SEC11A: variants seen among roughly 807,000 people sequenced by gnomAD.
SEC11A encodes SEC11 homolog A, signal peptidase complex subunit, also known as signal peptidase complex catalytic subunit SEC11A.
Under a neutral mutation model 25.6 loss-of-function variants are expected in SEC11A, and 14 were observed. The observed-to-expected ratio is 0.55, with a 90% CI of 0.36 to 0.85. The LOEUF (loss-of-function observed/expected upper bound fraction) is 0.85. Among genes scored for constraint, SEC11A ranks in the 40% least tolerant of loss-of-function variants. The pLI, the probability that SEC11A is intolerant of heterozygous loss-of-function variation, is 0.01. For synonymous variants in SEC11A, 83 were observed against 76.4 expected (o/e 1.09, Z -0.45); for missense variants, 153 against 222.9 (o/e 0.69, Z 2.00).
In SEC11A at chr15:84,699,316, C is replaced by CAA. The variant is rs35351608; in HGVS notation, c.52-7674_52-7673dup. Reference sequence around the variant, plus strand: ...GGCAACAGAGCAAGACTCTTGTCTCCAAAAAAAAAAAAAAAAAAACCAGGA... The same window carrying CAA: ...GGCAACAGAGCAAGACTCTTGTCTCCAAAAAAAAAAAAAAAAAAAAACCAGGA... On this transcript the variant is annotated intron_variant, in intron 1 of 5. Transcript: ENST00000268220. 5.5e-4 allele frequency among the ~76,000 whole-genome samples: 49 copies of CAA among 89,028 alleles called. 1 individual carries two copies. The highest frequency in any genetic ancestry group is 5.4e-3 in the Middle Eastern group (1 of 184). 58.4% of individuals were successfully genotyped at this position (89,028 alleles called of 152,430 possible).
intron 5 of SEC11A, 95 bp downstream of exon 5, chr15:84,670,630 T>C (rs1439373674): frequency 1.6e-6 from 1 of 620,028 alleles, no homozygotes; most frequent in Admixed American, 3.4e-5. Context: ...TCCACTCACC[T>C]CGGCCTCCCA....
rs774165237 is a variant in SEC11A at position 84,716,085 on chromosome 15, G to C, written c.-10C>G. 5 of 1,613,324 alleles carry C rather than the reference G, an allele frequency of 3.1e-6. No homozygotes were observed. Among genetic ancestry groups the C allele is most frequent in the Non-Finnish European group, 3.4e-6 (4 of 1,179,554 alleles). ...AGTCTAGAGACAGCATGGCGGGGAC[G>C]GCGAGCAGGACACCGGCAGGGGAAA... On this transcript the variant is annotated 5_prime_UTR_variant, in exon 1 of 6. Coordinates refer to ENST00000268220, the MANE Select transcript of SEC11A (RefSeq NM_014300.4).
At chr15:84,683,384 AAAACAAACAAACAAAC>A (rs57035460) in intron 3 of SEC11A, among the ~76,000 whole-genome samples, 21 of 150,776 alleles carry the variant, frequency 1.4e-4, no homozygotes, top group Admixed American at 7.3e-4. Context: ...ATTTGCTGGC[AAAACAAACAAACAAAC>A]AAACAAACAA....
At chr15:84,679,808 T>C in intron 4 of SEC11A, 1 of 637,244 alleles carries the variant, frequency 1.6e-6, no homozygotes, top group Non-Finnish European at 2.6e-6. Context: ...GTGGTAATAC[T>C]TGTAAAGCAC....
intron 4 of SEC11A, among the ~76,000 whole-genome samples, chr15:84,675,756 A>G (rs1272767991): frequency 1.3e-5 from 2 of 152,118 alleles, no homozygotes; most frequent in Non-Finnish European, 2.9e-5. Flanking sequence ...GAATTTTTCA[A>G]CTTCCTGAGT....
chr15:84,698,628 C>A (rs1897833979), intron 1 of SEC11A, among the ~76,000 whole-genome samples: 2 of 152,138 alleles, frequency 1.3e-5, no homozygotes, highest in Admixed American at 1.3e-4. Context: ...AATAAGCATA[C>A]CATCATTAAA....
chr15:84,694,432 C>A (rs1043658476), intron 1 of SEC11A, among the ~76,000 whole-genome samples: 2 of 151,854 alleles, frequency 1.3e-5, no homozygotes, highest in Non-Finnish European at 2.9e-5. Flanking sequence ...TTATTTATTT[C>A]ATTTTGATCA....
At chr15:84,691,352 G>T (rs1437547784) in intron 2 of SEC11A, among the ~76,000 whole-genome samples, 183 bp downstream of exon 2, 1 of 152,118 alleles carries the variant, frequency 6.6e-6, no homozygotes, top group African/African-American at 2.4e-5. Flanking sequence ...GGGATTACAG[G>T]CATAAGCCAC....
chr15:84,714,018 CTTT>C (rs34873142), intron 1 of SEC11A, among the ~76,000 whole-genome samples: 24 of 100,432 alleles, frequency 2.4e-4, no homozygotes, highest in Non-Finnish European at 3.5e-4. Flanking sequence ...CATATACCTT[CTTT>C]TTTTTTTTTT....
At chr15:84,671,050 T>C (rs1346904472) in intron 4 of SEC11A, 18 of 274,082 alleles carry the variant, frequency 6.6e-5, no homozygotes, top group Non-Finnish European at 1.0e-4. Context: ...GCCAAGGTCT[T>C]AGATCTCCAG....
intron 2 of SEC11A, among the ~76,000 whole-genome samples, chr15:84,690,777 T>G (rs936126370): frequency 6.6e-6 from 1 of 152,150 alleles, no homozygotes; most frequent in East Asian, 1.9e-4. Flanking sequence ...AGCAGGAAAC[T>G]TGGAAATAAT....
intron 1 of SEC11A, among the ~76,000 whole-genome samples, chr15:84,704,826 G>C (rs1407708235): frequency 6.6e-6 from 1 of 152,110 alleles, no homozygotes; most frequent in East Asian, 1.9e-4. Context: ...CTTGGGAGGG[G>C]TTTGGGGTAA....
At chr15:84,713,828 G>C (rs1044762951) in intron 1 of SEC11A, among the ~76,000 whole-genome samples, 1 of 152,134 alleles carries the variant, frequency 6.6e-6, no homozygotes, top group African/African-American at 2.4e-5. Flanking sequence ...CCAGGTTAAA[G>C]ATGAAGCTAT....
At position 84,702,592 on chromosome 15, in the gene SEC11A, CA is replaced by C. The variant is rs554184600; in HGVS notation, c.52-10949del. Reference sequence around the variant, plus strand: ...CAGCTGAGATTATAGACACAAGCAACAGTGCCCAGTTTATAAATATATTTAT... The same window carrying C: ...CAGCTGAGATTATAGACACAAGCAACGTGCCCAGTTTATAAATATATTTAT... On this transcript the variant is annotated intron_variant, in intron 1 of 5. Coordinates refer to ENST00000268220, the MANE Select transcript of SEC11A (RefSeq NM_014300.4). Among the ~76,000 whole-genome samples the C allele has an allele frequency of 4.0e-3, 602 of 152,192 alleles. 2 individuals carry two copies. Among genetic ancestry groups the C allele is most frequent in the African/African-American group, 0.014 (572 of 41,506 alleles).
chr15:84,694,741 T>G (rs577730884), intron 1 of SEC11A, among the ~76,000 whole-genome samples: 1 of 151,862 alleles, frequency 6.6e-6, no homozygotes, highest in Admixed American at 6.6e-5. Context: ...GGTGGGAGGA[T>G]CACTTGAGCC....
chr15:84,680,579 C>T, intron 4 of SEC11A, 134 bp downstream of exon 4: 1 of 927,434 alleles, frequency 1.1e-6, no homozygotes. Context: ...GCAAAATTTT[C>T]AAAGGACACA....
At position 84,713,071 on chromosome 15, in the gene SEC11A, G is replaced by A. The variant is rs190528951; in HGVS notation, c.51+2954C>T. On this transcript the variant is annotated intron_variant, in intron 1 of 5. Transcript: ENST00000268220. The stretch of plus-strand genomic sequence containing the variant: ...TAGCCGGGTGTGGTGGCGGGTGCCT[G>A]TAGTCCCAGCTACTTGGGAGGCTGA... Among the ~76,000 whole-genome samples, 273 of 152,016 alleles carry A rather than the reference G, an allele frequency of 1.8e-3. 1 individual carries two copies. Among genetic ancestry groups the A allele is most frequent in the African/African-American group, 6.4e-3 (265 of 41,474 alleles).
At chr15:84,706,301 C>A (rs563463510) in intron 1 of SEC11A, among the ~76,000 whole-genome samples, 27 of 152,284 alleles carry the variant, frequency 1.8e-4, no homozygotes, top group African/African-American at 5.8e-4. Context: ...TACTTGGTCA[C>A]TTCGGGCTCC....
intron 4 of SEC11A, chr15:84,680,018 C>T (rs1433350052): frequency 1.5e-5 from 18 of 1,198,914 alleles, no homozygotes; most frequent in Admixed American, 2.2e-5. Flanking sequence ...TCAACCTCAT[C>T]AATTTCAAGA....
Sources: gnomAD v4.1 joint callset for allele counts (sites outside exome capture counted in the v4.1 genomes callset) on GRCh38, gnomAD v4.1.1 for gene constraint, MANE v1.5 for transcripts, NCBI Gene and HGNC (gene_info 2026-07-23, HGNC 2026-07-21) for gene names.